TRPS1: variants seen among roughly 807,000 people sequenced by gnomAD.
TRPS1 encodes transcriptional repressor GATA binding 1.
A neutral mutation model predicts 101.2 loss-of-function variants in TRPS1; 6 were observed. The ratio of observed to expected loss-of-function variants is 0.06; its 90% confidence interval spans 0.03 to 0.12. TRPS1 has a LOEUF of 0.12. Ranked by LOEUF, TRPS1 falls within the 10% of genes least tolerant of loss-of-function variation. TRPS1 has a pLI of 1.00. For synonymous variants in TRPS1, 578 were observed against 589.8 expected (o/e 0.98, Z 0.29); for missense variants, 1,363 against 1,567.0 (o/e 0.87, Z 2.20).
chr8:115,565,720 G>A (rs1320092905), intron 5 of TRPS1, among the ~76,000 whole-genome samples: 2 of 152,076 alleles, frequency 1.3e-5, no homozygotes, highest in African/African-American at 4.8e-5. Context: ...AGCTGAGAAA[G>A]TGATTCTAAG....
chr8:115,524,919 A>G (rs965120964), intron 5 of TRPS1, among the ~76,000 whole-genome samples: 32 of 152,176 alleles, frequency 2.1e-4, no homozygotes, highest in African/African-American at 7.5e-4. Flanking sequence ...TCCAAAATGT[A>G]TAATTTCTTG....
At chr8:115,511,342 T>C (rs920843149) in intron 5 of TRPS1, 3 of 151,908 alleles carry the variant, frequency 2.0e-5, no homozygotes, top group South Asian at 2.1e-4. Flanking sequence ...TATGTGTGCA[T>C]TGTATTGGCC....
rs563554905 is a variant in TRPS1 at position 115,442,641 on chromosome 8, G to A, written c.2701-24189C>T. Among the ~76,000 whole-genome samples, 44 of 151,908 alleles carry A rather than the reference G, an allele frequency of 2.9e-4. No individual in the cohort carries two copies. The South Asian group carries it at 8.7e-3, about 30-fold the overall frequency. ...GGGGTTACACAGCATAGTGCAAAAT[G>A]AGAATTTAAGTTATCAACATTTAAA... is the stretch of plus-strand genomic sequence containing the variant. On this transcript the variant is annotated intron_variant, in intron 5 of 6. Coordinates refer to ENST00000395715, the MANE Select transcript of TRPS1 (RefSeq NM_014112.5).
At chr8:115,649,826 T>G (rs908270805) in intron 1 of TRPS1, among the ~76,000 whole-genome samples, 2 of 152,126 alleles carry the variant, frequency 1.3e-5, no homozygotes, top group Admixed American at 6.5e-5. Context: ...CTCCTTCCCA[T>G]CATTAAAGGG....
Position 115,469,372 on chromosome 8 carries a change from T to G in TRPS1, c.2701-50920A>C, listed in dbSNP as rs114931745. Reference sequence around the variant, plus strand: ...TAAGAAGACAGAACCTGGTGTTATCTTTAGTAAATGGGTAAATAAGGAATT... The same window carrying G: ...TAAGAAGACAGAACCTGGTGTTATCGTTAGTAAATGGGTAAATAAGGAATT... On this transcript the variant is annotated intron_variant, in intron 5 of 6. Coordinates refer to ENST00000395715, the MANE Select transcript of TRPS1 (RefSeq NM_014112.5). Among the ~76,000 whole-genome samples the G allele has an allele frequency of 7.5e-3, 1,139 of 152,322 alleles. 19 individuals are homozygous for G. Among genetic ancestry groups the G allele is most frequent in the African/African-American group, 0.026 (1,069 of 41,566 alleles).
At chr8:115,424,531 A>G (rs1185830996) in intron 5 of TRPS1, among the ~76,000 whole-genome samples, 3 of 152,228 alleles carry the variant, frequency 2.0e-5, no homozygotes, top group Admixed American at 6.5e-5. Flanking sequence ...CATACTAATT[A>G]TGGAGCTAAA....
intron 5 of TRPS1, among the ~76,000 whole-genome samples, chr8:115,455,975 AG>A (rs1329680203): frequency 6.6e-6 from 1 of 151,150 alleles, no homozygotes; most frequent in Non-Finnish European, 1.5e-5. Flanking sequence ...TAGTAGAGAC[AG>A]GGTTTCACCG....
chr8:115,666,466 A>C (rs1811924153), intron 1 of TRPS1, among the ~76,000 whole-genome samples: 1 of 152,020 alleles, frequency 6.6e-6, no homozygotes, highest in Non-Finnish European at 1.5e-5. Context: ...TTATACGTTA[A>C]CTGGTGGAAT....
chr8:115,636,138 A>C lies in TRPS1; in HGVS notation c.-121-12380T>G, dbSNP rs1818762016. Among the ~76,000 whole-genome samples the C allele has an allele frequency of 1.3e-5, 2 of 151,906 alleles. 1 individual carries two copies. The highest frequency in any genetic ancestry group is 4.1e-4 in the South Asian group (2 of 4,836). On this transcript the variant is annotated intron_variant, in intron 1 of 6. Transcript: ENST00000395715. ...TAAATATAACCCTGTAAATATAATC[A>C]TTATATTCTATATATTACATATTAA...
chr8:115,506,270 G>A (rs1327514836), intron 5 of TRPS1, among the ~76,000 whole-genome samples: 1 of 151,922 alleles, frequency 6.6e-6, no homozygotes, highest in Non-Finnish European at 1.5e-5. Context: ...ACATGGGGGT[G>A]ACTTTTCATA....
chr8:115,479,595 G>C (rs1378734188), intron 5 of TRPS1, among the ~76,000 whole-genome samples: 1 of 152,016 alleles, frequency 6.6e-6, no homozygotes, highest in East Asian at 1.9e-4. Context: ...AGGCATTTGG[G>C]TATTTTATAA....
intron 5 of TRPS1, among the ~76,000 whole-genome samples, chr8:115,534,525 A>G (rs73371343): frequency 0.021 from 3,256 of 152,354 alleles, 118 homozygotes; most frequent in African/African-American, 0.069. Flanking sequence ...TGAAGCTCTA[A>G]CCCCCGGTGT....
At chr8:115,500,055 G>T (rs552677995) in intron 5 of TRPS1, among the ~76,000 whole-genome samples, 2 of 150,330 alleles carry the variant, frequency 1.3e-5, no homozygotes, top group Non-Finnish European at 2.9e-5. Context: ...TCCAAGACGC[G>T]ATCTCGCTCT....
chr8:115,567,017 G>A (rs749194140), intron 5 of TRPS1, among the ~76,000 whole-genome samples: 13 of 152,090 alleles, frequency 8.5e-5, no homozygotes, highest in Admixed American at 7.2e-4. Flanking sequence ...ATAAACCCAC[G>A]CATCTTTCTC....
At chr8:115,442,453 AG>A (rs34940485) in intron 5 of TRPS1, among the ~76,000 whole-genome samples, 34,937 of 151,990 alleles carry the variant, frequency 0.23, 4,992 homozygotes, top group Middle Eastern at 0.43. Context: ...GGCAATAAAT[AG>A]GGGGCTGCAC....
At chr8:115,509,366 A>AT (rs1292579768) in intron 5 of TRPS1, among the ~76,000 whole-genome samples, 3 of 152,084 alleles carry the variant, frequency 2.0e-5, no homozygotes, top group Non-Finnish European at 4.4e-5. Flanking sequence ...ATGGAGACAG[A>AT]TAAAAAATAA....
At chr8:115,605,154 A>T (rs191097213) in intron 3 of TRPS1, 152 bp from the exon 4 acceptor site, 5 of 735,398 alleles carry the variant, frequency 6.8e-6, no homozygotes, top group African/African-American at 1.8e-5. Context: ...AATCAGAGCC[A>T]AATAAATTCA....
At chr8:115,560,033 T>A (rs1816911040) in intron 5 of TRPS1, among the ~76,000 whole-genome samples, 1 of 152,136 alleles carries the variant, frequency 6.6e-6, no homozygotes, top group Non-Finnish European at 1.5e-5. Flanking sequence ...TTTAAGAGAA[T>A]TTAAAGATGA....
intron 5 of TRPS1, among the ~76,000 whole-genome samples, chr8:115,518,363 T>C (rs1184009288): frequency 6.6e-6 from 1 of 151,752 alleles, no homozygotes; most frequent in Admixed American, 6.6e-5. Flanking sequence ...AAAAGTCTCA[T>C]CATATGATTA....
Sources: allele counts gnomAD v4.1 joint callset (sites outside exome capture counted in the v4.1 genomes callset), GRCh38; gene constraint gnomAD v4.1.1; transcripts MANE v1.5; gene names NCBI Gene and HGNC (gene_info 2026-07-23, HGNC 2026-07-21).